The following SURF2 variants were observed in gnomAD, a reference collection of about 807,000 sequenced individuals.
SURF2 encodes the protein surfeit 2, also known as surfeit locus protein 2.
Under a neutral mutation model 26.2 loss-of-function variants are expected in SURF2, and 32 were observed. That is an observed-to-expected ratio of 1.22 (90% CI 0.92 to 1.64). The LOEUF (loss-of-function observed/expected upper bound fraction) is 1.64. SURF2 is among the 40% of genes most tolerant of loss of function. The probability of loss-of-function intolerance (pLI) is 0.00; values close to 1 mark genes in which losing one functional copy is unlikely to be tolerated. For missense variants in SURF2, 415 were observed against 341.6 expected (o/e 1.21, Z -1.69); for synonymous variants, 173 against 139.1 (o/e 1.24, Z -1.71).
rs2130043612 is a variant in SURF2 at position 133,359,704 on chromosome 9, G to A, written c.338-246G>A. Among the ~76,000 whole-genome samples, 31 of 152,242 alleles carry A rather than the reference G, an allele frequency of 2.0e-4. 1 individual carries two copies. Among genetic ancestry groups the A allele is most frequent in the Admixed American group, 1.4e-3 (22 of 15,290 alleles). ...GTGGCTTCCTAGGCCTGGCTAGATC[G>A]GGGATGAGTGGTAAAGGCCCCGTAG... On this transcript the variant is annotated intron_variant, in intron 3 of 5. Coordinates refer to ENST00000371964, the MANE Select transcript of SURF2 (RefSeq NM_017503.5).
intron 3 of SURF2, among the ~76,000 whole-genome samples, chr9:133,359,294 T>C (rs1196509034): frequency 6.6e-6 from 1 of 152,096 alleles, no homozygotes. Context: ...GAAACAGCCC[T>C]GGAGATGGGC....
rs147633174 is a variant in SURF2, at chr9:133,360,807, G to A, written c.688-249G>A. 5.2e-5 allele frequency among the ~76,000 whole-genome samples: 8 copies of A among 152,392 alleles called. No homozygotes were observed. The East Asian group carries it at 1.2e-3, about 22-fold the overall frequency. ...AGTGGAGACTTCCCCGCCTTTGGTA[G>A]ATAAGCAGGACCAAGGCCAAAAGAG... On this transcript the variant is annotated intron_variant, in intron 5 of 5. Transcript: ENST00000371964.
intron 3 of SURF2, 120 bp downstream of exon 3, chr9:133,357,934 T>G: frequency 1.1e-6 from 1 of 934,928 alleles, no homozygotes; most frequent in Non-Finnish European, 1.6e-6. Flanking sequence ...GCATCAGGCC[T>G]GTTTTTTGGC....
intron 2 of SURF2, among the ~76,000 whole-genome samples, chr9:133,357,503 T>C (rs1836640063): frequency 6.6e-6 from 1 of 152,148 alleles, no homozygotes; most frequent in Admixed American, 6.5e-5. Flanking sequence ...CTGCCATGCG[T>C]GCTTTTCCGG....
At chr9:133,357,979 C>T (rs1221482922) in intron 3 of SURF2, among the ~76,000 whole-genome samples, 165 bp downstream of exon 3, 1 of 152,220 alleles carries the variant, frequency 6.6e-6, no homozygotes, top group Non-Finnish European at 1.5e-5. Context: ...CCTGACCCCA[C>T]AGCTTTTAGT....
At chr9:133,358,755 T>G (rs2130040512) in intron 3 of SURF2, among the ~76,000 whole-genome samples, 4 of 152,236 alleles carry the variant, frequency 2.6e-5, no homozygotes, top group African/African-American at 9.6e-5. Flanking sequence ...CTGCAGCCCA[T>G]GAGGGCAGTG....
chr9:133,360,003 C>CGGA lies in SURF2; in HGVS notation c.403_405dup (p.Arg135dup), dbSNP rs2130046110. On this transcript the variant is annotated inframe_insertion, in exon 4 of 6. Transcript: ENST00000371964. ...GTACGTGCCTGCCTGCCTGGTGCAC[C>CGGA]GGAGGAGGAGGAGGGAGGACCAGAT... The CGGA allele has an allele frequency of 1.5e-5, 25 of 1,613,524 alleles. No homozygotes were observed. The South Asian group carries it at 1.9e-4, about 12-fold the overall frequency.
Position 133,360,367 on chromosome 9 carries a change from A to G in SURF2, c.620A>G (p.Glu207Gly). ...KEDEKAKPPR[E>G]KATDEGRRET... ...GATGAGAAGGCAAAGCCCCCAAGAG[A>G]GAAGGCCACTGATGAGGGCAGGAGA... The change falls in exon 5 of 6, where the codon GAG (glutamate) becomes GGG (glycine). Residue 207 changes from glutamate to glycine, a missense_variant. Transcript: ENST00000371964. 1 of 1,614,000 alleles carries G rather than the reference A, an allele frequency of 6.2e-7. No homozygotes were observed. The highest frequency in any genetic ancestry group is 8.5e-7 in the Non-Finnish European group (1 of 1,180,006).
chr9:133,360,302 G>C lies in SURF2; in HGVS notation c.555G>C (p.Glu185Asp). 3 of 1,614,204 alleles carry C rather than the reference G, an allele frequency of 1.9e-6. No individual in the cohort carries two copies. Among genetic ancestry groups the C allele is most frequent in the Non-Finnish European group, 2.5e-6 (3 of 1,180,026 alleles). ...LFTRKDLGST[E>D]DGDGTDDFLT... Reference sequence around the variant, plus strand: ...CCAGAAAGGACCTTGGAAGCACGGAGGATGGGGATGGCACTGATGACTTTT... The same window carrying C: ...CCAGAAAGGACCTTGGAAGCACGGACGATGGGGATGGCACTGATGACTTTT... The change falls in exon 5 of 6, where the codon GAG becomes GAC. Residue 185 changes from glutamate (E) to aspartate (D), a missense_variant. By Grantham distance (45) the Glu-to-Asp change is conservative. Coordinates refer to ENST00000371964, the MANE Select transcript of SURF2 (RefSeq NM_017503.5).
rs2130028241 is a variant in SURF2 at position 133,356,583 on chromosome 9, C to T, written c.-10C>T. On this transcript the variant is annotated 5_prime_UTR_variant, in exon 1 of 6. Transcript: ENST00000371964. ...GGCTTCCGCCGGGCTGCTCCGCGGG[C>T]GCGTCGGCCATGAGCGAGTTGCCGG... 2 of 1,517,218 alleles carry T rather than the reference C, an allele frequency of 1.3e-6. No individual in the cohort carries two copies. Among genetic ancestry groups the T allele is most frequent in the Non-Finnish European group, 8.8e-7 (1 of 1,140,048 alleles). The allele number at this position is 1,517,218 out of a possible 1,614,324, so 94.0% of individuals were successfully genotyped here.
At chr9:133,359,569 G>A (rs1305085030) in intron 3 of SURF2, among the ~76,000 whole-genome samples, 1 of 152,236 alleles carries the variant, frequency 6.6e-6, no homozygotes, top group Non-Finnish European at 1.5e-5. Context: ...GAGGACTTCA[G>A]GCTGCTGGGG....
At position 133,356,867 on chromosome 9, in the gene SURF2, G is replaced by A. The variant is rs2130030675; in HGVS notation, c.79-47G>A. 328 of 1,500,964 alleles carry A rather than the reference G, an allele frequency of 2.2e-4. 4 individuals carry two copies. In the South Asian group the frequency reaches 3.6e-3, roughly 16 times the overall value. 93.0% of individuals were successfully genotyped at this position (1,500,964 alleles called of 1,614,324 possible). A position where few individuals can be genotyped will look rare whatever the true frequency, so the allele number is the denominator to read the frequency against. Reference sequence around the variant, plus strand: ...GCGCGGCAGGAGGGGGCACCAGGGAGCGGAGCCCTGGCCCTCCTGACGTCC... The same window carrying A: ...GCGCGGCAGGAGGGGGCACCAGGGAACGGAGCCCTGGCCCTCCTGACGTCC... On this transcript the variant is annotated intron_variant, in intron 1 of 5. Transcript: ENST00000371964.
rs2130031324 is a variant in SURF2, at chr9:133,356,937, C to G, written c.102C>G (p.His34Gln). The G allele has an allele frequency of 6.4e-6, 10 of 1,564,624 alleles. No homozygotes were observed. The South Asian group carries it at 1.1e-4, about 17-fold the overall frequency. ...ARKVRCILTG[H>Q]ELPCRLPELQ... ...AGGTGAGGTGCATCCTGACAGGTCA[C>G]GAGCTGCCCTGCCGCCTGCCGGAGC... The change falls in exon 2 of 6, where the codon CAC becomes CAG. Residue 34 changes from histidine (H) to glutamine (Q), a missense_variant. Physicochemically the swap from His to Gln is conservative, Grantham distance 24. Transcript: ENST00000371964.
In SURF2 at chr9:133,356,591, C is replaced by A. The variant is rs782102780; in HGVS notation, c.-2C>A. The A allele has an allele frequency of 3.3e-6, 5 of 1,522,778 alleles. No homozygotes were observed. In the African/African-American group the frequency reaches 7.1e-5, roughly 22 times the overall value. 94.3% of individuals were successfully genotyped at this position (1,522,778 alleles called of 1,614,324 possible). On this transcript the variant is annotated 5_prime_UTR_variant, in exon 1 of 6. Coordinates refer to ENST00000371964, the MANE Select transcript of SURF2 (RefSeq NM_017503.5). Reference sequence around the variant, plus strand: ...CCGGGCTGCTCCGCGGGCGCGTCGGCCATGAGCGAGTTGCCGGGCGACGTG... The same window carrying A: ...CCGGGCTGCTCCGCGGGCGCGTCGGACATGAGCGAGTTGCCGGGCGACGTG...
At position 133,359,837 on chromosome 9, in the gene SURF2, C is replaced by G. The variant is rs1329411222; in HGVS notation, c.338-113C>G. ...CCCAGCAGCTGCTCTGGTTTTTGTC[C>G]AGGGCGGTGGGGCTGTGGGGCCCTG... On this transcript the variant is annotated intron_variant, in intron 3 of 5. Coordinates refer to ENST00000371964, the MANE Select transcript of SURF2 (RefSeq NM_017503.5). 8 of 1,291,240 alleles carry G rather than the reference C, an allele frequency of 6.2e-6. No individual in the cohort carries two copies. The Admixed American group carries it at 2.2e-4, about 35-fold the overall frequency. The allele number at this position is 1,291,240 out of a possible 1,614,324, so 80.0% of individuals were successfully genotyped here. A position where few individuals can be genotyped will look rare whatever the true frequency, so the allele number is the denominator to read the frequency against.
At position 133,360,422 on chromosome 9, in the gene SURF2, G is replaced by A. The variant is rs906060059; in HGVS notation, c.675G>A (p.Gln225=). The A allele has an allele frequency of 6.2e-7, 1 of 1,607,968 alleles. No homozygotes were observed. Among genetic ancestry groups the A allele is most frequent in the Non-Finnish European group, 8.5e-7 (1 of 1,178,984 alleles). ...CGACCGTGTACCGAGGGCTGGTCCA[G>A]AAGCGCGGGAAGGTGAGCTGTCACC... The part of the protein sequence containing the change: ...RETTVYRGLV[Q]KRGKKQLGSL... Residue 225 remains glutamine, a synonymous_variant, in exon 5 of 6, where the codon CAG becomes CAA. Coordinates refer to ENST00000371964, the MANE Select transcript of SURF2 (RefSeq NM_017503.5).
chr9:133,360,812 G>A (rs2130054534), intron 5 of SURF2, among the ~76,000 whole-genome samples: 5 of 152,368 alleles, frequency 3.3e-5, no homozygotes, highest in African/African-American at 1.2e-4. Flanking sequence ...TGGTAGATAA[G>A]CAGGACCAAG....
chr9:133,358,932 A>T (rs2130041003), intron 3 of SURF2, among the ~76,000 whole-genome samples: 1 of 152,176 alleles, frequency 6.6e-6, no homozygotes, highest in Non-Finnish European at 1.5e-5. Flanking sequence ...CTCCCGAAGC[A>T]TGAGTGTGGA....
chr9:133,359,670 C>G (rs1220797418), intron 3 of SURF2, among the ~76,000 whole-genome samples: 1 of 152,248 alleles, frequency 6.6e-6, no homozygotes, highest in African/African-American at 2.4e-5. Context: ...GGTCAGTGCC[C>G]TCCTAGCCGT....
Sources: gnomAD v4.1 joint callset for allele counts (sites outside exome capture counted in the v4.1 genomes callset) on GRCh38, gnomAD v4.1.1 for gene constraint, MANE v1.5 for transcripts, NCBI Gene and HGNC (gene_info 2026-07-23, HGNC 2026-07-21) for gene names.